Variants in SLC75A1 observed in about 807,000 individuals in gnomAD.
The protein encoded by SLC75A1 is solute carrier family 75 member 1.
the SLC75A1 span, chr4:2,933,091 G>A: frequency 1.9e-6 from 3 of 1,610,728 alleles, no homozygotes; most frequent in African/African-American, 2.7e-5. Context: ...TGGGCACCCA[G>A]GCCCAGGAAC....
the SLC75A1 span, chr4:2,933,207 G>A: frequency 3.7e-6 from 6 of 1,613,356 alleles, no homozygotes; most frequent in African/African-American, 2.7e-5. Flanking sequence ...GAGCCAATGA[G>A]ACCTGAGAGA....
At chr4:2,932,116 T>C in the SLC75A1 span, 22 of 1,609,430 alleles carry the variant, frequency 1.4e-5, no homozygotes, top group Non-Finnish European at 1.9e-5. Context: ...GCTGAGCAGA[T>C]CAGCCGCATC....
chr4:2,933,698 G>C, the SLC75A1 span: 5 of 1,611,276 alleles, frequency 3.1e-6, no homozygotes, highest in African/African-American at 2.7e-5. Flanking sequence ...GGGCTGGGGA[G>C]GTCTGATGGG....
chr4:2,933,972 G>A, the SLC75A1 span: 2 of 1,526,292 alleles, frequency 1.3e-6, no homozygotes, highest in East Asian at 4.9e-5. Context: ...GGTCGGGTTA[G>A]CGGGGAAGCC....
chr4:2,932,386 A>C, the SLC75A1 span: 2 of 1,613,538 alleles, frequency 1.2e-6, no homozygotes, highest in Non-Finnish European at 1.7e-6. Context: ...GGCAGGAAGC[A>C]GAAGATGAAC....
the SLC75A1 span, chr4:2,934,177 G>A: frequency 1.8e-6 from 1 of 563,640 alleles, no homozygotes; most frequent in African/African-American, 1.9e-5. Flanking sequence ...ACGGTCCTGA[G>A]AGACCAGGGT....
chr4:2,932,565 C>T, the SLC75A1 span: 4 of 1,612,414 alleles, frequency 2.5e-6, no homozygotes, highest in Non-Finnish European at 3.4e-6. Context: ...CAGAAGTCAC[C>T]ACCAGGACCC....
the SLC75A1 span, chr4:2,932,282 G>C: frequency 7.0e-6 from 11 of 1,563,598 alleles, no homozygotes; most frequent in Admixed American, 1.5e-4. Flanking sequence ...GGCACACAGG[G>C]GCACTTTACA....
the SLC75A1 span, chr4:2,931,299 C>A: frequency 6.5e-7 from 1 of 1,549,494 alleles, no homozygotes; most frequent in Admixed American, 2.0e-5. Context: ...CGAGGAGGTG[C>A]CCGTCAGCCC....
chr4:2,932,446 G>A, the SLC75A1 span: 2 of 1,613,646 alleles, frequency 1.2e-6, no homozygotes, highest in African/African-American at 2.7e-5. Flanking sequence ...GCCATTTCCA[G>A]GGGCAGGGAG....
At chr4:2,933,522 CAT>C in the SLC75A1 span, 7 of 1,599,354 alleles carry the variant, frequency 4.4e-6, no homozygotes, top group African/African-American at 1.3e-5. Flanking sequence ...GTCCACCAAA[CAT>C]AGGACCGTAG....
At chr4:2,931,029 C>CA in the SLC75A1 span, 1 of 1,610,336 alleles carries the variant, frequency 6.2e-7, no homozygotes, top group Non-Finnish European at 8.5e-7. Context: ...GCTTGGCCCC[C>CA]AGCCTGCCCC....
the SLC75A1 span, chr4:2,932,639 A>AACGATGGCCGTGGAGAGGCTG: frequency 1.9e-6 from 3 of 1,613,052 alleles, no homozygotes; most frequent in African/African-American, 1.3e-5. Context: ...CCAGGTCAGC[A>AACGATGGCCGTGGAGAGGCTG]ACGATGGCCG....
the SLC75A1 span, chr4:2,932,101 A>AT: frequency 6.2e-7 from 1 of 1,610,712 alleles, no homozygotes; most frequent in Non-Finnish European, 8.5e-7. Context: ...CAGCAGGGCC[A>AT]GGGGGCTGAG....
the SLC75A1 span, chr4:2,934,224 G>GCCGCGCCTC: frequency 1.5e-5 from 6 of 394,068 alleles, no homozygotes; most frequent in Non-Finnish European, 2.8e-5. Flanking sequence ...CCACCCCACG[G>GCCGCGCCTC]CCGCGCCTCC....
At chr4:2,931,863 C>T in the SLC75A1 span, 50 of 1,610,014 alleles carry the variant, frequency 3.1e-5, no homozygotes, top group South Asian at 4.7e-4. Context: ...GGAAGCTCAG[C>T]GTGTACTCCA....
At chr4:2,931,258 C>T in the SLC75A1 span, 1 of 1,561,908 alleles carries the variant, frequency 6.4e-7, no homozygotes, top group South Asian at 1.2e-5. Context: ...ACAGGCAGGG[C>T]ACCACAACGG....
At chr4:2,931,578 C>A in the SLC75A1 span, 1 of 1,612,962 alleles carries the variant, frequency 6.2e-7, no homozygotes, top group Non-Finnish European at 8.5e-7. Flanking sequence ...GCAACTTCCC[C>A]GCCAGGGTGG....
At chr4:2,931,637 AG>A in the SLC75A1 span, 1 of 1,613,626 alleles carries the variant, frequency 6.2e-7, no homozygotes, top group South Asian at 1.1e-5. Context: ...GAGGCCGATG[AG>A]GAAAAACATC....
Sources: gnomAD v4.1 joint callset for allele counts on GRCh38, gnomAD v4.1.1 for gene constraint, MANE v1.5 for transcripts, NCBI Gene and HGNC (gene_info 2026-07-23, HGNC 2026-07-21) for gene names.